Variants in CCDC148 observed in about 807,000 individuals in gnomAD.
The protein encoded by CCDC148 is coiled-coil domain containing 148.
A neutral mutation model predicts 85.7 loss-of-function variants in CCDC148; 89 were observed. The observed-to-expected ratio is 1.04, with a 90% CI of 0.87 to 1.24. The LOEUF (loss-of-function observed/expected upper bound fraction) is 1.24. Among genes scored for constraint, CCDC148 ranks in the 50% most tolerant of loss-of-function variants. The probability of loss-of-function intolerance (pLI) is 0.00; values close to 1 mark genes in which losing one functional copy is unlikely to be tolerated. For synonymous variants in CCDC148, 230 were observed against 213.9 expected (o/e 1.08, Z -0.66); for missense variants, 692 against 671.7 (o/e 1.03, Z -0.33).
At chr2:158,330,252 T>C (rs1443539421) in intron 7 of CCDC148, among the ~76,000 whole-genome samples, 1 of 152,242 alleles carries the variant, frequency 6.6e-6, no homozygotes, top group Non-Finnish European at 1.5e-5. Flanking sequence ...CTTTTCTGCA[T>C]CTATTGAGAT....
intron 1 of CCDC148, among the ~76,000 whole-genome samples, chr2:158,416,435 G>A (rs575866585): frequency 6.6e-6 from 1 of 152,114 alleles, no homozygotes; most frequent in Non-Finnish European, 1.5e-5. Flanking sequence ...GAAGAAGCCA[G>A]GCCACATCTT....
intron 9 of CCDC148, among the ~76,000 whole-genome samples, chr2:158,299,573 T>G (rs1231019119): frequency 6.6e-6 from 1 of 152,216 alleles, no homozygotes; most frequent in East Asian, 1.9e-4. Flanking sequence ...CTTCTCTTAT[T>G]TCAAAAATCT....
intron 1 of CCDC148, 78 bp downstream of exon 1, chr2:158,456,337 A>T: frequency 2.0e-6 from 3 of 1,475,260 alleles, no homozygotes; most frequent in Non-Finnish European, 2.8e-6. Flanking sequence ...GGCTGCAGAG[A>T]ACAAACATAA....
At chr2:158,348,486 T>C (rs1249045984) in intron 2 of CCDC148, among the ~76,000 whole-genome samples, 1 of 151,934 alleles carries the variant, frequency 6.6e-6, no homozygotes, top group African/African-American at 2.4e-5. Flanking sequence ...CTTATTTAAA[T>C]AATCTTTAAG....
At chr2:158,386,527 A>G (rs1332740960) in intron 1 of CCDC148, among the ~76,000 whole-genome samples, 1 of 152,110 alleles carries the variant, frequency 6.6e-6, no homozygotes, top group Non-Finnish European at 1.5e-5. Flanking sequence ...GTAGTCTCCC[A>G]CAACTTAAAT....
chr2:158,412,138 T>G (rs1686288619), intron 1 of CCDC148, among the ~76,000 whole-genome samples: 1 of 152,188 alleles, frequency 6.6e-6, no homozygotes, highest in African/African-American at 2.4e-5. Context: ...TCCTCCTGCT[T>G]TCCTTTTCCA....
intron 9 of CCDC148, among the ~76,000 whole-genome samples, chr2:158,295,350 G>A (rs1296834072): frequency 6.6e-6 from 1 of 152,122 alleles, no homozygotes; most frequent in African/African-American, 2.4e-5. Flanking sequence ...TAGAAAAAGA[G>A]GGAATCCTCC....
At chr2:158,448,705 A>G (rs73001379) in intron 1 of CCDC148, among the ~76,000 whole-genome samples, 5,715 of 152,262 alleles carry the variant, frequency 0.038, 384 homozygotes, top group African/African-American at 0.13. Context: ...AGATATTGAT[A>G]GAGATGACAT....
intron 1 of CCDC148, among the ~76,000 whole-genome samples, chr2:158,434,933 A>G (rs1180019669): frequency 6.6e-6 from 1 of 152,230 alleles, no homozygotes; most frequent in Non-Finnish European, 1.5e-5. Context: ...CAGACAAAAG[A>G]GTAAAAAGAA....
At position 158,207,227 on chromosome 2, in the gene CCDC148, G is replaced by A. The variant is rs533709764; in HGVS notation, c.1370+13368C>T. Among the ~76,000 whole-genome samples the A allele has an allele frequency of 1.2e-3, 182 of 152,264 alleles. 1 individual carries two copies. The highest frequency in any genetic ancestry group is 2.1e-3 in the Non-Finnish European group (145 of 68,024). Reference sequence around the variant, plus strand: ...AGCGCAGGCATTCACTGCATCACCCGGATACTGCTGTCCTTATAAGACGAC... The same window carrying A: ...AGCGCAGGCATTCACTGCATCACCCAGATACTGCTGTCCTTATAAGACGAC... On this transcript the variant is annotated intron_variant, in intron 11 of 13. Transcript: ENST00000283233.
intron 1 of CCDC148, among the ~76,000 whole-genome samples, chr2:158,433,261 A>AATATATATATATAT (rs375554012): frequency 0.039 from 4,721 of 122,380 alleles, 304 homozygotes; most frequent in Non-Finnish European, 0.063. Flanking sequence ...CCTTGACTCA[A>AATATATATATATAT]ATATATATAT....
chr2:158,270,757 T>C (rs1419787088), intron 9 of CCDC148, among the ~76,000 whole-genome samples: 1 of 152,178 alleles, frequency 6.6e-6, no homozygotes, highest in African/African-American at 2.4e-5. Context: ...CACATGCATA[T>C]TACATATACA....
At chr2:158,371,247 A>G (rs1574710591) in intron 1 of CCDC148, among the ~76,000 whole-genome samples, 2 of 152,172 alleles carry the variant, frequency 1.3e-5, no homozygotes, top group Admixed American at 1.3e-4. Context: ...CCTTCTACTA[A>G]AAGGCAGACT....
chr2:158,193,981 C>T (rs901767924), intron 11 of CCDC148, among the ~76,000 whole-genome samples: 7 of 146,646 alleles, frequency 4.8e-5, no homozygotes, highest in African/African-American at 7.6e-5. Context: ...CAAACCTGCA[C>T]GTTGTGCACA....
At chr2:158,289,776 T>G (rs1286882986) in intron 9 of CCDC148, among the ~76,000 whole-genome samples, 1 of 152,204 alleles carries the variant, frequency 6.6e-6, no homozygotes, top group Non-Finnish European at 1.5e-5. Flanking sequence ...ATTGCAACAT[T>G]GTTTCTAATA....
intron 1 of CCDC148, among the ~76,000 whole-genome samples, chr2:158,397,358 A>C (rs1685567683): frequency 6.6e-6 from 1 of 152,156 alleles, no homozygotes; most frequent in African/African-American, 2.4e-5. Flanking sequence ...GAAGGAAAAA[A>C]TGTTAAGGGC....
intron 11 of CCDC148, among the ~76,000 whole-genome samples, chr2:158,207,113 G>A (rs1686289548): frequency 6.6e-6 from 1 of 152,128 alleles, no homozygotes; most frequent in African/African-American, 2.4e-5. Context: ...CACTGTTTTT[G>A]GGCCAACTGT....
intron 2 of CCDC148, among the ~76,000 whole-genome samples, chr2:158,353,981 G>C (rs1683476855): frequency 6.6e-6 from 1 of 151,970 alleles, no homozygotes; most frequent in South Asian, 2.1e-4. Context: ...ATGACCACTG[G>C]GTACATAACG....
At chr2:158,252,570 A>T (rs1030239619) in intron 9 of CCDC148, among the ~76,000 whole-genome samples, 6 of 151,734 alleles carry the variant, frequency 4.0e-5, no homozygotes, top group Non-Finnish European at 7.4e-5. Context: ...CCTCATGGTG[A>T]TAGTTGACAC....
Sources: allele counts gnomAD v4.1 joint callset (sites outside exome capture counted in the v4.1 genomes callset), GRCh38; gene constraint gnomAD v4.1.1; transcripts MANE v1.5; gene names NCBI Gene and HGNC (gene_info 2026-07-23, HGNC 2026-07-21).